Variants in SLC24A3 observed in about 807,000 individuals in gnomAD.
SLC24A3 encodes the protein sodium/potassium/calcium exchanger 3.
In SLC24A3, 28 loss-of-function variants were observed where a neutral mutation model predicts 75.8. The ratio of observed to expected loss-of-function variants is 0.37; its 90% CI spans 0.27 to 0.51. SLC24A3 has a LOEUF of 0.51. Ranked by LOEUF, SLC24A3 falls within the 20% of genes least tolerant of loss-of-function variation. The pLI is 0.94. For missense variants in SLC24A3, 663 were observed against 847.8 expected, an observed-to-expected ratio of 0.78 and a Z score of 2.71; for synonymous variants, 372 against 334.1, an observed-to-expected ratio of 1.11 and a Z score of -1.24.
At chr20:19,237,512 G>C (rs908653811) in intron 1 of SLC24A3, among the ~76,000 whole-genome samples, 5 of 152,164 alleles carry the variant, frequency 3.3e-5, no homozygotes, top group African/African-American at 1.2e-4. Flanking sequence ...AGCTCAGCTT[G>C]CAGAACATCC....
intron 1 of SLC24A3, among the ~76,000 whole-genome samples, chr20:19,276,670 C>T (rs751876599): frequency 3.9e-5 from 6 of 152,118 alleles, no homozygotes; most frequent in South Asian, 4.2e-4. Flanking sequence ...TTTAGGAGGT[C>T]GAGGTGGGAG....
intron 2 of SLC24A3, among the ~76,000 whole-genome samples, chr20:19,434,371 C>T (rs1052517198): frequency 6.6e-6 from 1 of 152,200 alleles, no homozygotes; most frequent in Non-Finnish European, 1.5e-5. Flanking sequence ...AGAAAAGGAG[C>T]ATCACCTTGA....
intron 2 of SLC24A3, among the ~76,000 whole-genome samples, chr20:19,314,543 G>A (rs775870448): frequency 2.0e-5 from 3 of 151,898 alleles, no homozygotes; most frequent in East Asian, 1.9e-4. Flanking sequence ...TCATACTCTC[G>A]GGCTCTAGCA....
At chr20:19,636,759 T>C (rs1447426498) in intron 6 of SLC24A3, among the ~76,000 whole-genome samples, 1 of 152,124 alleles carries the variant, frequency 6.6e-6, no homozygotes, top group East Asian at 1.9e-4. Context: ...AATCCATATG[T>C]ATAAGGCTGC....
rs371822891 is a variant in SLC24A3 at position 19,436,687 on chromosome 20, G to C, written c.272-78801G>C. On this transcript the variant is annotated intron_variant, in intron 2 of 16. Coordinates refer to ENST00000328041, the MANE Select transcript of SLC24A3 (RefSeq NM_020689.4). ...CGGGTCCAGGGTCACCACTACACCT[G>C]GACCCAATCTTTACATCTCAGCTTC... 5.2e-4 allele frequency among the ~76,000 whole-genome samples: 79 copies of C among 152,258 alleles called. No individual in the cohort carries two copies. The South Asian group carries it at 1.0e-2, about 19-fold the overall frequency.
intron 3 of SLC24A3, among the ~76,000 whole-genome samples, chr20:19,544,292 T>G (rs775679437): frequency 1.3e-5 from 2 of 152,008 alleles, no homozygotes; most frequent in Non-Finnish European, 2.9e-5. Flanking sequence ...CCCTGAGAGG[T>G]GCCCAGTGTG....
intron 13 of SLC24A3, chr20:19,696,544 C>T (rs751562235): frequency 5.5e-5 from 22 of 401,768 alleles, no homozygotes; most frequent in Middle Eastern, 1.3e-3. Context: ...CCCGCCTCAC[C>T]GGAAGAGAAC....
intron 2 of SLC24A3, among the ~76,000 whole-genome samples, chr20:19,431,354 G>A (rs1326078642): frequency 1.3e-5 from 2 of 152,134 alleles, no homozygotes; most frequent in South Asian, 4.1e-4. Flanking sequence ...AGTGAAGGAG[G>A]GAGAGAGGGA....
chr20:19,584,183 A>G (rs546684673), intron 4 of SLC24A3, among the ~76,000 whole-genome samples: 25 of 152,056 alleles, frequency 1.6e-4, no homozygotes, highest in Non-Finnish European at 3.2e-4. Context: ...CTTCTTGTAA[A>G]TCACCTTTTG....
At chr20:19,647,064 A>G (rs1568684161) in intron 6 of SLC24A3, among the ~76,000 whole-genome samples, 1 of 152,092 alleles carries the variant, frequency 6.6e-6, no homozygotes, top group East Asian at 1.9e-4. Context: ...CCCTTGGGGT[A>G]GGAGGTGCCA....
Position 19,665,861 on chromosome 20 carries a change from C to T in SLC24A3, c.688-3C>T. 3 of 1,601,430 alleles carry T rather than the reference C, an allele frequency of 1.9e-6. No individual in the cohort carries two copies. Among genetic ancestry groups the T allele is most frequent in the Non-Finnish European group, 2.6e-6 (3 of 1,173,982 alleles). ...ATCTTCTATTCTTTTTATTTTTTCA[C>T]AGTTTATTTATGATGAAAAAGTTTC... On this transcript the variant is annotated splice_region_variant and splice_polypyrimidine_tract_variant and intron_variant, in intron 7 of 16. Transcript: ENST00000328041.
chr20:19,585,651 C>A, intron 6 of SLC24A3, 107 bp downstream of exon 6: 1 of 1,099,862 alleles, frequency 9.1e-7, no homozygotes, highest in Non-Finnish European at 1.3e-6. Flanking sequence ...TGCATTAGGG[C>A]CCAGTGGTTT....
At chr20:19,441,353 A>C (rs1987296775) in intron 2 of SLC24A3, among the ~76,000 whole-genome samples, 2 of 152,176 alleles carry the variant, frequency 1.3e-5, no homozygotes, top group African/African-American at 4.8e-5. Context: ...TTGCTAGGTG[A>C]GGGCCCTGTG....
chr20:19,592,776 A>C (rs2031395460), intron 6 of SLC24A3, among the ~76,000 whole-genome samples: 1 of 149,762 alleles, frequency 6.7e-6, no homozygotes, highest in East Asian at 2.0e-4. Flanking sequence ...CATCTTCGGC[A>C]AAAATTTTCT....
intron 3 of SLC24A3, among the ~76,000 whole-genome samples, chr20:19,550,807 T>G (rs959591385): frequency 6.6e-6 from 1 of 152,146 alleles, no homozygotes; most frequent in African/African-American, 2.4e-5. Flanking sequence ...CAGGCAGTAA[T>G]GAAGAGCATG....
intron 3 of SLC24A3, among the ~76,000 whole-genome samples, chr20:19,561,350 G>C (rs1262918817): frequency 6.6e-6 from 1 of 152,082 alleles, no homozygotes; most frequent in African/African-American, 2.4e-5. Context: ...CACTGCGTTG[G>C]TCATCCCTGA....
intron 14 of SLC24A3, 24 bp downstream of exon 14, chr20:19,696,935 G>A: frequency 1.1e-6 from 1 of 936,134 alleles, no homozygotes; most frequent in Non-Finnish European, 1.6e-6. Flanking sequence ...TGGCAATGGG[G>A]AAGGAGGGAG....
At chr20:19,482,836 C>A (rs936896749) in intron 2 of SLC24A3, among the ~76,000 whole-genome samples, 1 of 152,192 alleles carries the variant, frequency 6.6e-6, no homozygotes, top group South Asian at 2.1e-4. Flanking sequence ...TTTGAGGACA[C>A]CACAAGCACA....
intron 2 of SLC24A3, among the ~76,000 whole-genome samples, chr20:19,314,874 G>A (rs979797425): frequency 7.2e-5 from 11 of 152,340 alleles, no homozygotes; most frequent in South Asian, 2.1e-4. Context: ...GAAGTCTGAC[G>A]TTTCAGATGT....
Sources: allele counts gnomAD v4.1 joint callset (sites outside exome capture counted in the v4.1 genomes callset), GRCh38; gene constraint gnomAD v4.1.1; transcripts MANE v1.5; gene names NCBI Gene and HGNC (gene_info 2026-07-23, HGNC 2026-07-21).